DLGAP2: variants seen among roughly 807,000 people sequenced by gnomAD.
DLGAP2 encodes the protein disks large-associated protein 2.
Under a neutral mutation model 100.3 loss-of-function variants are expected in DLGAP2, and 26 were observed. That is an observed-to-expected ratio of 0.26 (90% CI 0.19 to 0.36). DLGAP2 has a LOEUF of 0.36. Ranked by LOEUF, DLGAP2 falls within the 10% of genes least tolerant of loss-of-function variation. The probability of loss-of-function intolerance (pLI) is 1.00; values close to 1 mark genes in which losing one functional copy is unlikely to be tolerated. For synonymous variants in DLGAP2, 886 were observed against 630.1 expected, an observed-to-expected ratio of 1.41 and a Z score of -6.08; for missense variants, 1,858 against 1,453.2, an observed-to-expected ratio of 1.28 and a Z score of -4.53.
chr8:1,596,361 G>A (rs1796459638), intron 6 of DLGAP2, among the ~76,000 whole-genome samples: 1 of 152,204 alleles, frequency 6.6e-6, no homozygotes, highest in South Asian at 2.1e-4. Flanking sequence ...ATAGTAGAAT[G>A]ATTTGTAATC....
At chr8:1,205,390 A>G (rs1797968871) in intron 2 of DLGAP2, among the ~76,000 whole-genome samples, 1 of 151,096 alleles carries the variant, frequency 6.6e-6, no homozygotes, top group South Asian at 2.1e-4. Context: ...CTTCCTGAAA[A>G]GGCTCTAGAA....
intron 3 of DLGAP2, among the ~76,000 whole-genome samples, chr8:1,353,876 A>T (rs1801789648): frequency 6.6e-6 from 1 of 152,266 alleles, no homozygotes; most frequent in South Asian, 2.1e-4. Flanking sequence ...ATGCAGGTTA[A>T]TATCCCTAGA....
chr8:1,516,109 A>T (rs1331710964), intron 4 of DLGAP2, among the ~76,000 whole-genome samples: 2 of 150,418 alleles, frequency 1.3e-5, no homozygotes, highest in African/African-American at 4.9e-5. Context: ...GACTGAGTGA[A>T]TGAGTGACTG....
intron 2 of DLGAP2, among the ~76,000 whole-genome samples, chr8:1,200,561 G>A (rs575606081): frequency 1.1e-4 from 17 of 152,266 alleles, no homozygotes; most frequent in African/African-American, 3.6e-4. Flanking sequence ...TCGGACCTCC[G>A]GAAAGAGCCT....
chr8:1,267,568 T>TAATAATAAAA lies in DLGAP2; in HGVS notation c.106+8687_106+8688insTAATAAAAAA, dbSNP rs1563051859. ...AGCAAAATTCCCGCTCAAAATAAAA[T>TAATAATAAAA]AAAATAAAATAAAATAAAATAAGAT... On this transcript the variant is annotated intron_variant, in intron 3 of 14. Transcript: ENST00000637795. 7.7e-4 allele frequency among the ~76,000 whole-genome samples: 37 copies of TAATAATAAAA among 48,220 alleles called. 1 individual carries two copies. Among genetic ancestry groups the TAATAATAAAA allele is most frequent in the African/African-American group, 3.3e-3 (35 of 10,654 alleles). 31.6% of individuals were successfully genotyped at this position (48,220 alleles called of 152,430 possible).
chr8:1,617,095 C>T lies in DLGAP2; in HGVS notation c.1443-9645C>T, dbSNP rs558150922. Among the ~76,000 whole-genome samples, 25 of 152,140 alleles carry T rather than the reference C, an allele frequency of 1.6e-4. 1 individual carries two copies. Among genetic ancestry groups the T allele is most frequent in the Admixed American group, 5.9e-4 (9 of 15,286 alleles). On this transcript the variant is annotated intron_variant, in intron 6 of 14. Transcript: ENST00000637795. ...TTTTTTATGGCTGCATAGTATTCCA[C>T]GGTGTACATGCACCACATTTTCTTT...
chr8:1,180,483 C>G (rs561791282), intron 2 of DLGAP2, among the ~76,000 whole-genome samples: 1 of 152,250 alleles, frequency 6.6e-6, no homozygotes, highest in Admixed American at 6.5e-5. Flanking sequence ...CAGGAGCCAC[C>G]GTGCCCAGCT....
At chr8:1,043,405 A>G (rs1459948867) in intron 2 of DLGAP2, among the ~76,000 whole-genome samples, 1 of 109,884 alleles carries the variant, frequency 9.1e-6, no homozygotes, top group African/African-American at 3.5e-5. Context: ...GGTGGTGGAT[A>G]TAGGTGGTGG....
intron 2 of DLGAP2, among the ~76,000 whole-genome samples, chr8:1,143,379 C>T (rs1006458193): frequency 6.6e-6 from 1 of 152,192 alleles, no homozygotes; most frequent in Non-Finnish European, 1.5e-5. Flanking sequence ...TGTTTCACCA[C>T]TCTGAGTATC....
intron 1 of DLGAP2, among the ~76,000 whole-genome samples, chr8:848,193 T>G (rs1020386945): frequency 6.6e-6 from 1 of 152,250 alleles, no homozygotes; most frequent in Non-Finnish European, 1.5e-5. Context: ...GCACGATGTA[T>G]TATAGACTTA....
intron 2 of DLGAP2, among the ~76,000 whole-genome samples, chr8:1,071,266 A>C (rs2600488): frequency 0.35 from 53,812 of 152,182 alleles, 9,546 homozygotes; most frequent in Middle Eastern, 0.4. Flanking sequence ...TACACTTGTC[A>C]CCTTTTTCTT....
intron 1 of DLGAP2, among the ~76,000 whole-genome samples, chr8:806,357 C>G (rs1366559898): frequency 2.6e-5 from 4 of 152,220 alleles, no homozygotes; most frequent in Non-Finnish European, 4.4e-5. Context: ...GCCCGTCACT[C>G]TGCAGCAGCC....
intron 2 of DLGAP2, among the ~76,000 whole-genome samples, chr8:1,199,779 G>A (rs575330060): frequency 6.6e-6 from 1 of 152,258 alleles, no homozygotes; most frequent in East Asian, 1.9e-4. Flanking sequence ...TGGAAGGTGT[G>A]TATGGAAACA....
intron 3 of DLGAP2, among the ~76,000 whole-genome samples, chr8:1,454,555 G>A (rs1450084940): frequency 1.3e-5 from 2 of 152,044 alleles, no homozygotes; most frequent in Non-Finnish European, 2.9e-5. Flanking sequence ...GGTTGAAATC[G>A]ACCAATGTGA....
At position 1,187,433 on chromosome 8, in the gene DLGAP2, TG is replaced by T. The variant is rs1563239819; in HGVS notation, c.74-71417del. Among the ~76,000 whole-genome samples, 387 of 135,048 alleles carry T rather than the reference TG, an allele frequency of 2.9e-3. 12 individuals carry two copies. The highest frequency in any genetic ancestry group is 0.011 in the East Asian group (48 of 4,244). The allele number at this position is 135,048 out of a possible 152,430, so 88.6% of individuals were successfully genotyped here. On this transcript the variant is annotated intron_variant, in intron 2 of 14. Coordinates refer to ENST00000637795, the MANE Select transcript of DLGAP2 (RefSeq NM_001346810.2). ...ACACGCCCGGGACCTCCGTGACGTT[TG>T]CCTCACGGAATCTCACACACCCGGG...
intron 6 of DLGAP2, chr8:1,622,285 G>A (rs1224195233): frequency 6.6e-6 from 1 of 152,180 alleles, no homozygotes; most frequent in Non-Finnish European, 1.5e-5. Context: ...TATTTCAAAT[G>A]AACACATTTA....
At chr8:1,509,328 C>CAAA (rs11307586) in intron 4 of DLGAP2, among the ~76,000 whole-genome samples, 1 of 137,768 alleles carries the variant, frequency 7.3e-6, no homozygotes, top group African/African-American at 2.6e-5. Context: ...AGACTCCGTC[C>CAAA]AAAAAAAAAA....
chr8:1,547,814 C>T (rs1256630623), intron 4 of DLGAP2, among the ~76,000 whole-genome samples: 1 of 152,156 alleles, frequency 6.6e-6, no homozygotes, highest in Non-Finnish European at 1.5e-5. Flanking sequence ...GGCACAGCTG[C>T]CCCCACACAG....
chr8:1,001,595 C>T (rs935225345), intron 2 of DLGAP2, among the ~76,000 whole-genome samples: 3 of 152,136 alleles, frequency 2.0e-5, no homozygotes, highest in Admixed American at 6.5e-5. Context: ...AACCGAATTG[C>T]TCTTAAGTGC....
Sources: allele counts gnomAD v4.1 joint callset (sites outside exome capture counted in the v4.1 genomes callset), GRCh38; gene constraint gnomAD v4.1.1; transcripts MANE v1.5; gene names NCBI Gene and HGNC (gene_info 2026-07-23, HGNC 2026-07-21).